The following SCAI variants were observed in gnomAD, a reference collection of about 807,000 sequenced individuals.
SCAI encodes the protein suppressor of cancer cell invasion.
Under a neutral mutation model 92.2 loss-of-function variants are expected in SCAI, and 24 were observed. The ratio of observed to expected loss-of-function variants is 0.26; its 90% CI spans 0.19 to 0.37. The LOEUF is 0.37. SCAI is among the 10% of genes least tolerant of loss of function. The probability of loss-of-function intolerance (pLI) is 1.00; values close to 1 mark genes in which losing one functional copy is unlikely to be tolerated. For synonymous variants in SCAI, 261 were observed against 258.6 expected, an observed-to-expected ratio of 1.01 and a Z score of -0.09; for missense variants, 450 against 736.2, an observed-to-expected ratio of 0.61 and a Z score of 4.50.
At chr9:125,010,921 AG>A (rs763045058) in intron 9 of SCAI, among the ~76,000 whole-genome samples, 56 of 151,246 alleles carry the variant, frequency 3.7e-4, no homozygotes, top group Non-Finnish European at 5.8e-4. Context: ...CCAGGCAAAC[AG>A]GGTCTGGAGT....
intron 14 of SCAI, among the ~76,000 whole-genome samples, chr9:124,977,974 A>T (rs1221081813): frequency 6.6e-6 from 1 of 151,970 alleles, no homozygotes; most frequent in Non-Finnish European, 1.5e-5. Context: ...AAAAATAATT[A>T]TTTTTTTTAC....
At position 124,946,172 on chromosome 9, in the gene SCAI, T is replaced by G. The variant is rs139798433; in HGVS notation, c.*6635A>C. 31 of 152,312 alleles carry G rather than the reference T, an allele frequency of 2.0e-4. No individual in the cohort carries two copies. The highest frequency in any genetic ancestry group is 5.8e-4 in the African/African-American group (24 of 41,576). The allele number at this position is 152,312 out of a possible 1,614,324, so 9.4% of individuals were successfully genotyped here. On this transcript the variant is annotated 3_prime_UTR_variant, in exon 18 of 18. Transcript: ENST00000336505. The surrounding 1 kb of genome is among the most constrained non-coding windows in gnomAD (Gnocchi z 4.0). ...TAATATCTGCTCTACTACTCTCCAG[T>G]GCAAAAACAATGATTTGGTTATTCA...
At chr9:125,001,119 T>C (rs1199269116) in intron 12 of SCAI, among the ~76,000 whole-genome samples, 1 of 152,172 alleles carries the variant, frequency 6.6e-6, no homozygotes, top group Non-Finnish European at 1.5e-5. Flanking sequence ...ACTTTTAATG[T>C]TGTATTATAT....
chr9:124,974,602 T>C (rs778353576), intron 15 of SCAI, among the ~76,000 whole-genome samples: 11 of 152,338 alleles, frequency 7.2e-5, no homozygotes, highest in Non-Finnish European at 1.5e-4. Flanking sequence ...ATTATGCCTA[T>C]GGATAAATCC....
chr9:125,001,978 A>G lies in SCAI; in HGVS notation c.1131T>C (p.Arg377=). ...CCTTTATTGTACCTTCACTATCAGA[A>G]CGACCTGTGGGGAAAACGCCAGTGG... ...LSATGVFPTG[R]SDSEGPYDFG... Residue 377 remains arginine (R), a synonymous_variant, in exon 12 of 18, where the codon CGT becomes CGC. Transcript: ENST00000336505. The G allele has an allele frequency of 3.7e-6, 6 of 1,611,980 alleles. No individual in the cohort carries two copies. Among genetic ancestry groups the G allele is most frequent in the Non-Finnish European group, 5.1e-6 (6 of 1,178,024 alleles).
In SCAI at chr9:125,091,796, A is replaced by AT. The variant is rs1188585915; in HGVS notation, c.99-35790dup. On this transcript the variant is annotated intron_variant, in intron 2 of 17. Coordinates refer to ENST00000336505, the MANE Select transcript of SCAI (RefSeq NM_001144877.3). This position sits in a 1 kb window ranked among gnomAD's most constrained non-coding sequence, Gnocchi z 4.3. ...CATCCCCACTTTTCAGCTGATGGCA[A>AT]TTGTTTTATATTTCACTAAAAAACA... is the stretch of plus-strand genomic sequence containing the variant. Among the ~76,000 whole-genome samples, 1 of 152,114 alleles carries AT rather than the reference A, an allele frequency of 6.6e-6. No individual in the cohort carries two copies. The highest frequency in any genetic ancestry group is 1.5e-5 in the Non-Finnish European group (1 of 68,022).
chr9:125,071,177 C>T (rs1833972770), intron 2 of SCAI, among the ~76,000 whole-genome samples: 1 of 152,128 alleles, frequency 6.6e-6, no homozygotes, highest in Non-Finnish European at 1.5e-5. Context: ...TCAGGTGTGT[C>T]TTAATTAGCC....
chr9:125,052,849 A>G (rs1349668021), intron 3 of SCAI, among the ~76,000 whole-genome samples: 1 of 144,314 alleles, frequency 6.9e-6, no homozygotes, highest in Admixed American at 7.0e-5. Context: ...GCCCAACATT[A>G]GGGAAATTCA....
chr9:124,976,241 C>G (rs1588127007), intron 14 of SCAI, 55 bp from the exon 15 acceptor site: 2 of 1,250,420 alleles, frequency 1.6e-6, no homozygotes, highest in East Asian at 4.6e-5. Context: ...AAGATAGTTA[C>G]TTAGTAATTT....
At chr9:125,089,659 T>C (rs1834389396) in intron 2 of SCAI, among the ~76,000 whole-genome samples, 1 of 151,982 alleles carries the variant, frequency 6.6e-6, no homozygotes, top group Admixed American at 6.6e-5. Flanking sequence ...GGCAGTAATC[T>C]AGCTGGGTTT....
chr9:124,983,417 T>C (rs1471707190), intron 14 of SCAI, among the ~76,000 whole-genome samples: 1 of 152,184 alleles, frequency 6.6e-6, no homozygotes, highest in Non-Finnish European at 1.5e-5. Flanking sequence ...GCAGTGGCGA[T>C]CTCAGCTCAC....
At chr9:125,133,843 T>C (rs1003615088) in intron 2 of SCAI, among the ~76,000 whole-genome samples, 2 of 152,246 alleles carry the variant, frequency 1.3e-5, no homozygotes, top group African/African-American at 2.4e-5. Context: ...TCAGAACTAA[T>C]GACATTTTGA....
intron 3 of SCAI, among the ~76,000 whole-genome samples, chr9:125,042,691 AG>A (rs1367167608): frequency 6.7e-6 from 1 of 149,768 alleles, no homozygotes; most frequent in African/African-American, 2.4e-5. Flanking sequence ...ACATACATAC[AG>A]GAAGTTACTT....
chr9:125,062,264 T>C (rs931436030), intron 2 of SCAI, among the ~76,000 whole-genome samples: 2 of 151,712 alleles, frequency 1.3e-5, no homozygotes, highest in Non-Finnish European at 1.5e-5. Flanking sequence ...TAGCTGGGTC[T>C]CCAGGCACAC....
Position 125,003,603 on chromosome 9 carries a change from C to A in SCAI, c.862-33G>T, listed in dbSNP as rs762989734. Reference sequence around the variant, plus strand: ...AAAAAAAAAAACAAACACAACCTAGCCTTAATGCAACACGCAGACTTTAAA... The same window carrying A: ...AAAAAAAAAAACAAACACAACCTAGACTTAATGCAACACGCAGACTTTAAA... On this transcript the variant is annotated intron_variant, in intron 9 of 17. Transcript: ENST00000336505. The A allele has an allele frequency of 1.1e-5, 15 of 1,345,038 alleles. No homozygotes were observed. In the Admixed American group the frequency reaches 2.5e-4, roughly 22 times the overall value. The allele number at this position is 1,345,038 out of a possible 1,614,324, so 83.3% of individuals were successfully genotyped here. A position where few individuals can be genotyped will look rare whatever the true frequency, so the allele number is the denominator to read the frequency against.
At chr9:124,974,369 GC>G in intron 15 of SCAI, 1 of 326,700 alleles carries the variant, frequency 3.1e-6, no homozygotes, top group Non-Finnish European at 6.1e-6. Context: ...GATCACCTGA[GC>G]CCAGGAGGTA....
chr9:125,088,561 T>G (rs1013872128), intron 2 of SCAI, among the ~76,000 whole-genome samples: 1 of 152,158 alleles, frequency 6.6e-6, no homozygotes, highest in African/African-American at 2.4e-5. Flanking sequence ...TGAGTCAACT[T>G]AACCTCTTTG....
chr9:125,013,709 G>T (rs996670518), intron 9 of SCAI, among the ~76,000 whole-genome samples: 10 of 151,650 alleles, frequency 6.6e-5, no homozygotes, highest in East Asian at 1.9e-4. Flanking sequence ...TACCAAAGCC[G>T]GGCAGAGACA....
chr9:125,053,779 A>T (rs1025057477), intron 3 of SCAI, among the ~76,000 whole-genome samples: 1 of 152,166 alleles, frequency 6.6e-6, no homozygotes, highest in African/African-American at 2.4e-5. Context: ...AAACTTTTCA[A>T]CTGTAAACTT....
Sources: allele counts gnomAD v4.1 joint callset (sites outside exome capture counted in the v4.1 genomes callset), GRCh38; gene constraint gnomAD v4.1.1; non-coding constraint Gnocchi (gnomAD v3.1); transcripts MANE v1.5; gene names NCBI Gene and HGNC (gene_info 2026-07-23, HGNC 2026-07-21).